The following ZEB1 variants were observed in gnomAD, a reference collection of about 807,000 sequenced individuals.
ZEB1 encodes the protein zinc finger E-box binding homeobox 1, also known as zinc finger E-box-binding homeobox 1.
A neutral mutation model predicts 84.9 loss-of-function variants in ZEB1; 21 were observed. That is an observed-to-expected ratio of 0.25 (90% CI 0.18 to 0.36). ZEB1 has a LOEUF of 0.36. Ranked by LOEUF, ZEB1 falls within the 10% of genes least tolerant of loss-of-function variation. The pLI is 1.00. For synonymous variants in ZEB1, 420 were observed against 471.1 expected, an observed-to-expected ratio of 0.89 and a Z score of 1.41; for missense variants, 1,104 against 1,330.2, an observed-to-expected ratio of 0.83 and a Z score of 2.65.
At chr10:31,340,978 A>G (rs1564518706) in intron 1 of ZEB1, among the ~76,000 whole-genome samples, 1 of 152,154 alleles carries the variant, frequency 6.6e-6, no homozygotes, top group Non-Finnish European at 1.5e-5. Flanking sequence ...TGGAAGGAGT[A>G]TGAGATAAGG....
At chr10:31,509,009 T>C (rs1435403872) in intron 4 of ZEB1, among the ~76,000 whole-genome samples, 1 of 152,130 alleles carries the variant, frequency 6.6e-6, no homozygotes, top group Non-Finnish European at 1.5e-5. Flanking sequence ...TAAAAATGTG[T>C]GCAGCTCCTC....
intron 2 of ZEB1, among the ~76,000 whole-genome samples, chr10:31,492,558 A>G (rs1248362901): frequency 6.6e-6 from 1 of 151,858 alleles, no homozygotes; most frequent in African/African-American, 2.4e-5. Context: ...GCATGTGTGA[A>G]TGTGTGTCAA....
chr10:31,432,275 A>G (rs1429602769), intron 1 of ZEB1, among the ~76,000 whole-genome samples: 1 of 152,164 alleles, frequency 6.6e-6, no homozygotes, highest in Non-Finnish European at 1.5e-5. Context: ...TTAATTTTAT[A>G]TTTTATTTAG....
At chr10:31,443,089 G>A (rs75545579) in intron 1 of ZEB1, among the ~76,000 whole-genome samples, 2 of 152,122 alleles carry the variant, frequency 1.3e-5, no homozygotes, top group Non-Finnish European at 2.9e-5. Flanking sequence ...TACGTGAGAA[G>A]TGATTATAAA....
At chr10:31,343,229 A>C (rs1425095564) in intron 1 of ZEB1, among the ~76,000 whole-genome samples, 1 of 152,064 alleles carries the variant, frequency 6.6e-6, no homozygotes, top group Non-Finnish European at 1.5e-5. Flanking sequence ...TTAGCACTAA[A>C]CTGTAGTTAA....
At chr10:31,408,123 A>G (rs2053504583) in intron 1 of ZEB1, among the ~76,000 whole-genome samples, 1 of 152,042 alleles carries the variant, frequency 6.6e-6, no homozygotes, top group East Asian at 1.9e-4. Context: ...GAGCCAAATC[A>G]TGAGTGAACT....
intron 1 of ZEB1, among the ~76,000 whole-genome samples, chr10:31,428,801 G>T (rs867361995): frequency 1.2e-4 from 19 of 152,230 alleles, no homozygotes; most frequent in African/African-American, 4.3e-4. Flanking sequence ...CTTTACCATT[G>T]TATAATGCCC....
chr10:31,370,192 T>C (rs2045441695), intron 1 of ZEB1, among the ~76,000 whole-genome samples: 1 of 152,226 alleles, frequency 6.6e-6, no homozygotes, highest in Non-Finnish European at 1.5e-5. Flanking sequence ...TGCTCATTTA[T>C]ATAGAATTGG....
chr10:31,375,719 G>A (rs139247686), intron 1 of ZEB1, among the ~76,000 whole-genome samples: 4 of 151,782 alleles, frequency 2.6e-5, no homozygotes, highest in African/African-American at 4.8e-5. Flanking sequence ...AATGAGTTGC[G>A]AATTACAGTG....
At chr10:31,450,558 T>C (rs939205482) in intron 1 of ZEB1, among the ~76,000 whole-genome samples, 7 of 152,130 alleles carry the variant, frequency 4.6e-5, no homozygotes, top group Admixed American at 2.6e-4. Context: ...ACTTTCTCTT[T>C]TATTCTTTTT....
chr10:31,500,872 C>G (rs894024802), intron 3 of ZEB1, among the ~76,000 whole-genome samples: 3 of 152,012 alleles, frequency 2.0e-5, no homozygotes, highest in Admixed American at 1.3e-4. Flanking sequence ...TCCAATAATC[C>G]CAATTTGGTA....
chr10:31,319,152 AGG>A, upstream of ZEB1: 1 of 276,666 alleles, frequency 3.6e-6, no homozygotes, highest in Non-Finnish European at 5.6e-6. Context: ...GGGAGGGGGG[AGG>A]GGTGGAGGCG....
chr10:31,445,534 A>G (rs1591355673), intron 1 of ZEB1, among the ~76,000 whole-genome samples: 2 of 151,806 alleles, frequency 1.3e-5, no homozygotes, highest in East Asian at 3.9e-4. Context: ...CCCATTCAGT[A>G]TGATATTGGC....
At chr10:31,321,669 G>A in intron 1 of ZEB1, 1 of 1,243,684 alleles carries the variant, frequency 8.0e-7, no homozygotes, top group Non-Finnish European at 1.2e-6. Flanking sequence ...TGCAGCTGCT[G>A]TAAACATGTT....
chr10:31,443,724 C>G (rs1295591815), intron 1 of ZEB1, among the ~76,000 whole-genome samples: 1 of 150,358 alleles, frequency 6.7e-6, no homozygotes, highest in African/African-American at 2.5e-5. Context: ...CATCCATGTC[C>G]TTACAAAGGA....
chr10:31,326,961 A>G (rs1293328935), intron 1 of ZEB1, among the ~76,000 whole-genome samples: 2 of 152,006 alleles, frequency 1.3e-5, no homozygotes, highest in Non-Finnish European at 2.9e-5. Context: ...CTTGGACCCA[A>G]TCTAATATGT....
chr10:31,325,936 T>A (rs539915413), intron 1 of ZEB1, among the ~76,000 whole-genome samples: 2 of 150,626 alleles, frequency 1.3e-5, no homozygotes, highest in East Asian at 1.9e-4. Flanking sequence ...ATTCATTTAA[T>A]CCACAATTCT....
intron 1 of ZEB1, among the ~76,000 whole-genome samples, chr10:31,440,665 C>G (rs1564862732): frequency 1.3e-5 from 2 of 152,180 alleles, no homozygotes; most frequent in Non-Finnish European, 2.9e-5. Flanking sequence ...ACCCCATTGT[C>G]TCAGCCCAAA....
intron 1 of ZEB1, among the ~76,000 whole-genome samples, chr10:31,364,179 A>G (rs2043971968): frequency 6.6e-6 from 1 of 152,148 alleles, no homozygotes; most frequent in Admixed American, 6.5e-5. Flanking sequence ...GGGGCTGGTG[A>G]CAGAGCCAGT....
Sources: allele counts gnomAD v4.1 joint callset (sites outside exome capture counted in the v4.1 genomes callset), GRCh38; gene constraint gnomAD v4.1.1; transcripts MANE v1.5; gene names NCBI Gene and HGNC (gene_info 2026-07-23, HGNC 2026-07-21).